The following SLCO3A1 variants were observed in gnomAD, a reference collection of about 807,000 sequenced individuals.
SLCO3A1 encodes the protein PGE1 transporter.
In SLCO3A1, 27 loss-of-function variants were observed where a neutral mutation model predicts 63.1. The ratio of observed to expected loss-of-function variants is 0.43; its 90% CI spans 0.32 to 0.59. SLCO3A1 has a LOEUF of 0.59. Ranked by LOEUF, SLCO3A1 falls within the 20% of genes least tolerant of loss-of-function variation. SLCO3A1 has a pLI of 0.09. For missense variants in SLCO3A1, 773 were observed against 945.8 expected (o/e 0.82, Z 2.40); for synonymous variants, 473 against 409.9 (o/e 1.15, Z -1.86).
At chr15:92,095,283 T>TG (rs1260269689) in intron 3 of SLCO3A1, among the ~76,000 whole-genome samples, 3 of 152,246 alleles carry the variant, frequency 2.0e-5, no homozygotes, top group Non-Finnish European at 4.4e-5. Context: ...TACATCGGCC[T>TG]GGCAGATAAG....
At chr15:91,855,810 A>G (rs1204428460) in intron 1 of SLCO3A1, among the ~76,000 whole-genome samples, 2 of 152,184 alleles carry the variant, frequency 1.3e-5, no homozygotes, top group Non-Finnish European at 2.9e-5. Flanking sequence ...GTCTATGTTT[A>G]GAAGGAGGTA....
chr15:92,115,815 C>CTAAA (rs2047787896), intron 4 of SLCO3A1, among the ~76,000 whole-genome samples: 1 of 86,714 alleles, frequency 1.2e-5, no homozygotes, highest in African/African-American at 4.5e-5. Context: ...TCTCTTCCCT[C>CTAAA]AAAAAAAAAA....
chr15:91,992,199 AT>A (rs1383846738), intron 2 of SLCO3A1, among the ~76,000 whole-genome samples: 1 of 152,234 alleles, frequency 6.6e-6, no homozygotes, highest in South Asian at 2.1e-4. Flanking sequence ...GTCTATAAGC[AT>A]TTAAAACAAA....
At position 92,165,392 on chromosome 15, in the gene SLCO3A1, A is replaced by C; in HGVS notation, c.*2257A>C. On this transcript the variant is annotated 3_prime_UTR_variant, in exon 10 of 10. Transcript: ENST00000318445. ...TGTACAGATTTTGGTTTAGTTTTGC[A>C]AATATATTGCTAATAGGTCACTCTT... is the stretch of plus-strand genomic sequence containing the variant. The C allele has an allele frequency of 1.0e-6, 1 of 985,370 alleles. No homozygotes were observed. The highest frequency in any genetic ancestry group is 1.2e-6 in the Non-Finnish European group (1 of 829,870). The allele number at this position is 985,370 out of a possible 1,614,324, so 61.0% of individuals were successfully genotyped here. A position where few individuals can be genotyped will look rare whatever the true frequency, so the allele number is the denominator to read the frequency against.
At chr15:91,918,763 GA>G (rs2151381330) in intron 2 of SLCO3A1, among the ~76,000 whole-genome samples, 1 of 152,330 alleles carries the variant, frequency 6.6e-6, no homozygotes, top group Admixed American at 6.5e-5. Flanking sequence ...GTAGCCCACT[GA>G]ACAGGATTGA....
At chr15:91,891,257 A>C (rs566700850) in intron 1 of SLCO3A1, among the ~76,000 whole-genome samples, 2 of 152,278 alleles carry the variant, frequency 1.3e-5, no homozygotes, top group South Asian at 4.1e-4. Flanking sequence ...TTGCCAGCAG[A>C]AAGAGCCCAG....
At chr15:92,128,020 G>A (rs567144901) in intron 6 of SLCO3A1, among the ~76,000 whole-genome samples, 1 of 152,134 alleles carries the variant, frequency 6.6e-6, no homozygotes, top group Non-Finnish European at 1.5e-5. Context: ...CCAGCCCAGA[G>A]GGCACATCAA....
Position 91,859,882 on chromosome 15 carries a change from T to C in SLCO3A1, c.180+5794T>C, listed in dbSNP as rs1336350355. On this transcript the variant is annotated intron_variant, in intron 1 of 9. Transcript: ENST00000318445. This position sits in a 1 kb window ranked among gnomAD's most constrained non-coding sequence, Gnocchi z 5.1. Reference sequence around the variant, plus strand: ...AAATAAAATTATTTCAATTAAACTTTAGTTTTGGTTTAGTGAATTGCATAT... The same window carrying C: ...AAATAAAATTATTTCAATTAAACTTCAGTTTTGGTTTAGTGAATTGCATAT... Among the ~76,000 whole-genome samples, 1 of 152,230 alleles carries C rather than the reference T, an allele frequency of 6.6e-6. No individual in the cohort carries two copies. The highest frequency in any genetic ancestry group is 2.4e-5 in the African/African-American group (1 of 41,460).
intron 2 of SLCO3A1, among the ~76,000 whole-genome samples, chr15:91,958,716 T>C (rs1020720321): frequency 2.6e-5 from 4 of 152,146 alleles, no homozygotes; most frequent in African/African-American, 7.2e-5. Flanking sequence ...CACAATGATA[T>C]AGATACCACC....
rs1208840518 is a variant in SLCO3A1 at position 91,968,811 on chromosome 15, A to G, written c.646+52353A>G. ...CACTGCACTGTCCGTGGTTACCCTT[A>G]GGGTGGCGCTGTTTATTGGCGCCTT... On this transcript the variant is annotated intron_variant, in intron 2 of 9. Coordinates refer to ENST00000318445, the MANE Select transcript of SLCO3A1 (RefSeq NM_013272.4). This position sits in a 1 kb window ranked among gnomAD's most constrained non-coding sequence, Gnocchi z 4.2. Among the ~76,000 whole-genome samples the G allele has an allele frequency of 6.6e-6, 1 of 152,180 alleles. No homozygotes were observed. The highest frequency in any genetic ancestry group is 1.5e-5 in the Non-Finnish European group (1 of 68,034).
Position 92,047,581 on chromosome 15 carries a change from T to TATATA in SLCO3A1, c.647-47299_647-47298insTATAA, listed in dbSNP as rs2046900461. Among the ~76,000 whole-genome samples the TATATA allele has an allele frequency of 1.8e-3, 15 of 8,560 alleles. 4 individuals carry two copies. Among genetic ancestry groups the TATATA allele is most frequent in the East Asian group, 5.2e-3 (1 of 194 alleles). The allele number at this position is 8,560 out of a possible 152,430, so 5.6% of individuals were successfully genotyped here. ...ATAAATATATATATAAATATATATA[T>TATATA]AATATATATATAATATATAATATAT... On this transcript the variant is annotated intron_variant, in intron 2 of 9. Coordinates refer to ENST00000318445, the MANE Select transcript of SLCO3A1 (RefSeq NM_013272.4).
intron 7 of SLCO3A1, among the ~76,000 whole-genome samples, chr15:92,129,507 G>T (rs2047967174): frequency 6.6e-6 from 1 of 152,142 alleles, no homozygotes; most frequent in Non-Finnish European, 1.5e-5. Flanking sequence ...GTCCTTCGGT[G>T]CCTCTTTCTC....
intron 2 of SLCO3A1, among the ~76,000 whole-genome samples, chr15:91,938,498 G>C (rs1418772421): frequency 8.4e-6 from 1 of 118,690 alleles, no homozygotes; most frequent in East Asian, 2.1e-4. Flanking sequence ...TTTTTTTTTT[G>C]GTATCTAGGT....
intron 3 of SLCO3A1, among the ~76,000 whole-genome samples, chr15:92,098,558 T>G (rs1460530624): frequency 1.3e-5 from 2 of 152,214 alleles, no homozygotes; most frequent in Non-Finnish European, 2.9e-5. Flanking sequence ...AATCACTGCC[T>G]TGGCCAACCT....
At chr15:92,000,348 T>G (rs937065428) in intron 2 of SLCO3A1, among the ~76,000 whole-genome samples, 1 of 151,842 alleles carries the variant, frequency 6.6e-6, no homozygotes. Context: ...GCAAGTTAAA[T>G]TGAGCTGGAG....
chr15:92,052,020 C>T (rs553815850), intron 2 of SLCO3A1, among the ~76,000 whole-genome samples: 8 of 152,224 alleles, frequency 5.3e-5, no homozygotes, highest in South Asian at 4.2e-4. Context: ...AAGCAGGCTC[C>T]GGTCTCCTAA....
chr15:92,102,467 C>A (rs2047617870), intron 3 of SLCO3A1, among the ~76,000 whole-genome samples: 1 of 152,314 alleles, frequency 6.6e-6, no homozygotes, highest in African/African-American at 2.4e-5. Flanking sequence ...GTCATCCTTG[C>A]AACCACTCTA....
intron 2 of SLCO3A1, among the ~76,000 whole-genome samples, chr15:91,995,803 TA>T (rs2046185198): frequency 6.9e-6 from 1 of 145,552 alleles, no homozygotes; most frequent in Non-Finnish European, 1.5e-5. Flanking sequence ...TCATAAAGTA[TA>T]ATATGAATTC....
chr15:92,080,941 T>C (rs1371328312), intron 2 of SLCO3A1, among the ~76,000 whole-genome samples: 1 of 61,010 alleles, frequency 1.6e-5, no homozygotes, highest in Non-Finnish European at 3.8e-5. Context: ...ATAGTAGCTG[T>C]GTGTGTGTGT....
Sources: gnomAD v4.1 joint callset for allele counts (sites outside exome capture counted in the v4.1 genomes callset) on GRCh38, gnomAD v4.1.1 for gene constraint, Gnocchi (gnomAD v3.1) non-coding constraint, MANE v1.5 for transcripts, NCBI Gene and HGNC (gene_info 2026-07-23, HGNC 2026-07-21) for gene names.